LIPT1: variants seen among roughly 807,000 people sequenced by gnomAD.
LIPT1 encodes lipoyltransferase 1.
Under a neutral mutation model 25.1 loss-of-function variants are expected in LIPT1, and 22 were observed. That is an observed-to-expected ratio of 0.88 (90% confidence interval 0.63 to 1.25). The LOEUF (loss-of-function observed/expected upper bound fraction) is 1.25, where lower values mean the gene tolerates loss of function less well. Ranked by LOEUF, LIPT1 falls within the 50% of genes most tolerant of loss-of-function variation. LIPT1 has a pLI of 0.00. For missense variants in LIPT1, 399 were observed against 432.8 expected, an observed-to-expected ratio of 0.92 and a Z score of 0.69; for synonymous variants, 131 against 150.8, an observed-to-expected ratio of 0.87 and a Z score of 0.96.
chr2:99,161,329 T>C (rs2093790623), intron 1 of LIPT1: 1 of 100,674 alleles, frequency 9.9e-6, no homozygotes, highest in Non-Finnish European at 1.9e-5. Flanking sequence ...TATATATATA[T>C]ATATATATAG....
At chr2:99,161,451 G>A (rs2093792272) in intron 1 of LIPT1, 1 of 150,726 alleles carries the variant, frequency 6.6e-6, no homozygotes, top group Admixed American at 6.6e-5. Flanking sequence ...GACTATCAAT[G>A]CTTTTATTTT....
At chr2:99,157,256 G>T (rs2093761872) in intron 1 of LIPT1, among the ~76,000 whole-genome samples, 1 of 152,134 alleles carries the variant, frequency 6.6e-6, no homozygotes, top group South Asian at 2.1e-4. Context: ...ACACCATCCA[G>T]CTTATTAGTG....
In LIPT1 at chr2:99,162,567, G is replaced by A. The variant is rs768499197; in HGVS notation, c.610G>A (p.Ala204Thr). ...KSPYQGIRSN[A>T]TASIPSLVKN... ...CCCTTACCAAGGGATCAGGAGCAAT[G>A]CCACTGCTAGCATACCTTCCTTAGT... Residue 204 changes from alanine (A) to threonine (T), a missense_variant, in exon 2 of 2, where the codon GCC (alanine) becomes ACC (threonine). Physicochemically the swap from Ala to Thr is moderately conservative, Grantham distance 58 (BLOSUM62 0). Transcript: ENST00000651691. 2.5e-6 allele frequency: 4 copies of A among 1,614,166 alleles called. No homozygotes were observed. Among genetic ancestry groups the A allele is most frequent in the Non-Finnish European group, 2.5e-6 (3 of 1,180,044 alleles).
Position 99,162,700 on chromosome 2 carries a change from T to C in LIPT1, c.743T>C (p.Ile248Thr), listed in dbSNP as rs370638402. The C allele has an allele frequency of 3.1e-6, 5 of 1,614,044 alleles. No individual in the cohort carries two copies. In the African/African-American group the frequency reaches 6.7e-5, roughly 22 times the overall value. The stretch of plus-strand genomic sequence containing the variant: ...CAAATTGATAATCACATTCACCTAA[T>C]AAACCCAACGGATGAGACACTGTTT... ...YHQIDNHIHL[I>T]NPTDETLFPG... is the part of the protein sequence containing the mutation. The change falls in exon 2 of 2, where the codon ATA becomes ACA. Residue 248 changes from isoleucine to threonine, a missense_variant. Ile to Thr is a moderately conservative substitution (Grantham distance 89). Coordinates refer to ENST00000651691, the MANE Select transcript of LIPT1 (RefSeq NM_145199.3).
chr2:99,155,168 TC>T (rs994535923), intron 1 of LIPT1, 117 bp downstream of exon 1: 1 of 419,542 alleles, frequency 2.4e-6, no homozygotes, highest in Non-Finnish European at 4.8e-6. Flanking sequence ...GCGGGTCGCC[TC>T]CGCCGGTGTT....
chr2:99,155,668 A>C (rs1232233443), intron 1 of LIPT1: 1 of 394,548 alleles, frequency 2.5e-6, no homozygotes, highest in Non-Finnish European at 5.0e-6. Flanking sequence ...ACACTATCCC[A>C]ACGACTGTGA....
chr2:99,162,532 T>G lies in LIPT1; in HGVS notation c.575T>G (p.Leu192Trp). 6.2e-7 allele frequency: 1 copy of G among 1,614,204 alleles called. No individual in the cohort carries two copies. The highest frequency in any genetic ancestry group is 1.1e-5 in the South Asian group (1 of 91,088). Residue 192 changes from leucine (L) to tryptophan (W), a missense_variant, in exon 2 of 2, where the codon TTG becomes TGG. Coordinates refer to ENST00000651691, the MANE Select transcript of LIPT1 (RefSeq NM_145199.3). ...ACTGATGGGACGTTCTTGTCTTCTT[T>G]GCTAAAGAGCCCTTACCAAGGGATC... ...CSTDGTFLSS[L>W]LKSPYQGIRS...
At chr2:99,157,081 AACC>A (rs2093761031) in intron 1 of LIPT1, among the ~76,000 whole-genome samples, 1 of 152,220 alleles carries the variant, frequency 6.6e-6, no homozygotes, top group African/African-American at 2.4e-5. Flanking sequence ...CTAGAGGTTA[AACC>A]ACTTCCCTAA....
chr2:99,161,315 T>A (rs868372165), intron 1 of LIPT1: 2 of 90,168 alleles, frequency 2.2e-5, no homozygotes, highest in African/African-American at 9.3e-5. Flanking sequence ...TATATATATA[T>A]ATATATATAT....
chr2:99,161,259 A>G, intron 1 of LIPT1, among the ~76,000 whole-genome samples: 1 of 13,586 alleles, frequency 7.4e-5, no homozygotes. Flanking sequence ...CTCAAAAAAA[A>G]AAAAAAAAAA....
At position 99,161,957 on chromosome 2, in the gene LIPT1, C is replaced by G; in HGVS notation, c.-1C>G. The stretch of plus-strand genomic sequence containing the variant: ...TTTGTTTGTCTTCCATTTTTAAAAG[C>G]ATGCTGATCCCATTTTCAATGAAGA... On this transcript the variant is annotated splice_region_variant and 5_prime_UTR_variant, in exon 2 of 2. Transcript: ENST00000651691. The G allele has an allele frequency of 6.4e-7, 1 of 1,569,460 alleles. No individual in the cohort carries two copies.
At chr2:99,156,681 C>A (rs556860337) in intron 1 of LIPT1, 1 of 152,196 alleles carries the variant, frequency 6.6e-6, no homozygotes, top group South Asian at 2.1e-4. Context: ...GAATTAATAC[C>A]TTTGTTGTGT....
rs137973334 is a variant in LIPT1 at position 99,162,249 on chromosome 2, C to T, written c.292C>T (p.Arg98Trp). ...LMREEGIKLA[R>W]RRSGGGTVYH... ...GAGAGAAGAAGGTATAAAACTGGCT[C>T]GGAGAAGAAGTGGAGGAGGAACAGT... Residue 98 changes from arginine (R) to tryptophan (W), a missense_variant, in exon 2 of 2, where the codon CGG (arginine) becomes TGG (tryptophan). Arg to Trp is a moderately radical substitution (Grantham distance 101). Coordinates refer to ENST00000651691, the MANE Select transcript of LIPT1 (RefSeq NM_145199.3). 1.5e-5 allele frequency: 25 copies of T among 1,613,106 alleles called. No individual in the cohort carries two copies. Among genetic ancestry groups the T allele is most frequent in the Non-Finnish European group, 1.9e-5 (23 of 1,179,950 alleles).
At chr2:99,159,105 T>C (rs900901205) in intron 1 of LIPT1, among the ~76,000 whole-genome samples, 3 of 152,100 alleles carry the variant, frequency 2.0e-5, no homozygotes, top group Admixed American at 6.5e-5. Flanking sequence ...ATTTTTTGTA[T>C]TTTTAGTAGA....
At chr2:99,161,912 T>A in intron 1 of LIPT1, 45 bp from the exon 2 acceptor site, 2 of 1,450,442 alleles carry the variant, frequency 1.4e-6, no homozygotes, top group Non-Finnish European at 1.9e-6. Context: ...AATTTAATGT[T>A]CCTTTTCTCG....
intron 1 of LIPT1, 123 bp downstream of exon 1, chr2:99,155,174 G>A (rs527578687): frequency 4.8e-6 from 2 of 416,306 alleles, no homozygotes; most frequent in Non-Finnish European, 9.7e-6. Flanking sequence ...CGCCTCCGCC[G>A]GTGTTGAAGC....
intron 1 of LIPT1, among the ~76,000 whole-genome samples, chr2:99,158,252 AC>A (rs1290951945): frequency 2.0e-5 from 3 of 151,890 alleles, no homozygotes; most frequent in African/African-American, 4.8e-5. Flanking sequence ...CCCTAATTCA[AC>A]CTATTGCCAA....
intron 1 of LIPT1, among the ~76,000 whole-genome samples, chr2:99,159,753 A>G (rs1486399120): frequency 6.6e-6 from 1 of 152,220 alleles, no homozygotes; most frequent in Non-Finnish European, 1.5e-5. Context: ...CAAAGAGGTT[A>G]ACCAAAGTAA....
chr2:99,162,281 T>C lies in LIPT1; in HGVS notation c.324T>C (p.His108=). The change falls in exon 2 of 2, where the codon CAT becomes CAC. Residue 108 remains histidine (H), a synonymous_variant. Transcript: ENST00000651691. ...RRRSGGGTVY[H]DMGNINLTFF... ...GAAGTGGAGGAGGAACAGTCTACCA[T>C]GATATGGGTAATATCAATTTGACTT... 6.2e-7 allele frequency: 1 copy of C among 1,612,728 alleles called. No individual in the cohort carries two copies. Among genetic ancestry groups the C allele is most frequent in the East Asian group, 2.2e-5 (1 of 44,868 alleles).
Sources: gnomAD v4.1 joint callset for allele counts (sites outside exome capture counted in the v4.1 genomes callset) on GRCh38, gnomAD v4.1.1 for gene constraint, MANE v1.5 for transcripts, NCBI Gene and HGNC (gene_info 2026-07-23, HGNC 2026-07-21) for gene names.